Variants in SESTD1 observed in about 807,000 individuals in gnomAD.
The protein encoded by SESTD1 is SEC14 and spectrin domain containing 1.
SESTD1 carries 43 observed loss-of-function variants against 101.7 expected under a neutral mutation model. The observed-to-expected ratio is 0.42, with a 90% CI of 0.33 to 0.55. The LOEUF is 0.55. Among genes scored for constraint, SESTD1 ranks in the 20% least tolerant of loss-of-function variants. The pLI is 0.07. For missense variants in SESTD1, 647 were observed against 815.1 expected (o/e 0.79, Z 2.51); for synonymous variants, 283 against 286.8 (o/e 0.99, Z 0.13).
chr2:179,246,484 G>A (rs918792884), intron 1 of SESTD1, among the ~76,000 whole-genome samples: 64 of 151,994 alleles, frequency 4.2e-4, no homozygotes, highest in Non-Finnish European at 8.5e-4. Context: ...AGTATCTCTC[G>A]CTCTCTTTCT....
In SESTD1 at chr2:179,149,398, C is replaced by T. The variant is rs771525132; in HGVS notation, c.484-4G>A. ...CCTTTGTAAACTTCTCAAAAACCTA[C>T]AATATGAGTTTTATTAACATACTAA... On this transcript the variant is annotated splice_region_variant and splice_polypyrimidine_tract_variant and intron_variant, in intron 6 of 17. Transcript: ENST00000428443. 2 of 1,565,954 alleles carry T rather than the reference C, an allele frequency of 1.3e-6. No homozygotes were observed. The highest frequency in any genetic ancestry group is 1.7e-6 in the Non-Finnish European group (2 of 1,146,884).
chr2:179,259,837 C>G (rs1050812799), intron 1 of SESTD1, among the ~76,000 whole-genome samples: 2 of 152,178 alleles, frequency 1.3e-5, no homozygotes, highest in Non-Finnish European at 2.9e-5. Context: ...AAGAAATTAA[C>G]TTGTCCACAG....
intron 1 of SESTD1, among the ~76,000 whole-genome samples, chr2:179,224,409 A>G (rs1236416196): frequency 6.6e-6 from 1 of 152,208 alleles, no homozygotes; most frequent in Non-Finnish European, 1.5e-5. Flanking sequence ...GGCTAAGTCC[A>G]AGGATACAAT....
chr2:179,247,806 C>A (rs2047255971), intron 1 of SESTD1, among the ~76,000 whole-genome samples: 1 of 151,426 alleles, frequency 6.6e-6, no homozygotes, highest in Admixed American at 6.6e-5. Context: ...AAATGTACAG[C>A]AGATACAGGA....
chr2:179,243,017 C>A (rs999472111), intron 1 of SESTD1, among the ~76,000 whole-genome samples: 1 of 152,074 alleles, frequency 6.6e-6, no homozygotes, highest in Non-Finnish European at 1.5e-5. Context: ...AACAGACAAC[C>A]TACAAAATGG....
At chr2:179,239,092 T>A (rs1464889521) in intron 1 of SESTD1, among the ~76,000 whole-genome samples, 1 of 152,196 alleles carries the variant, frequency 6.6e-6, no homozygotes, top group Non-Finnish European at 1.5e-5. Flanking sequence ...CAACTATGTA[T>A]CTTAGTATCT....
At chr2:179,126,954 T>G (rs1052347572) in intron 10 of SESTD1, among the ~76,000 whole-genome samples, 1 of 152,234 alleles carries the variant, frequency 6.6e-6, no homozygotes, top group African/African-American at 2.4e-5. Context: ...CCTTCCATTT[T>G]CATTGCTAGT....
At chr2:179,262,859 G>C (rs2047502302) in intron 1 of SESTD1, among the ~76,000 whole-genome samples, 1 of 152,172 alleles carries the variant, frequency 6.6e-6, no homozygotes, top group Non-Finnish European at 1.5e-5. Flanking sequence ...TAAAACCCAA[G>C]TAGATGCAAC....
At chr2:179,151,882 T>A (rs2045538241) in intron 5 of SESTD1, among the ~76,000 whole-genome samples, 1 of 152,116 alleles carries the variant, frequency 6.6e-6, no homozygotes, top group African/African-American at 2.4e-5. Context: ...CACAATAACG[T>A]ATGCCAATAT....
At chr2:179,191,473 G>A (rs1240712013) in intron 2 of SESTD1, among the ~76,000 whole-genome samples, 1 of 151,916 alleles carries the variant, frequency 6.6e-6, no homozygotes. Flanking sequence ...CTACCTACTG[G>A]GTATTATGGT....
intron 1 of SESTD1, among the ~76,000 whole-genome samples, chr2:179,217,893 C>T (rs1186083416): frequency 6.6e-6 from 1 of 151,978 alleles, no homozygotes; most frequent in East Asian, 1.9e-4. Flanking sequence ...GAAAACCAAA[C>T]ACCACATGTT....
At position 179,156,114 on chromosome 2, in the gene SESTD1, A is replaced by ATATATATGTGTGTATATACGTATATATG. The variant is rs2045624855; in HGVS notation, c.370-4751_370-4724dup. 2.0e-5 allele frequency among the ~76,000 whole-genome samples: 3 copies of ATATATATGTGTGTATATACGTATATATG among 151,892 alleles called. No homozygotes were observed. In the South Asian group the frequency reaches 6.2e-4, roughly 32 times the overall value. On this transcript the variant is annotated intron_variant, in intron 5 of 17. Coordinates refer to ENST00000428443, the MANE Select transcript of SESTD1 (RefSeq NM_178123.5). ...GTAGTATTCCATCATACGTGTATAT[A>ATATATATGTGTGTATATACGTATATATG]TATATATGTGTGTATATACGTATAT... is the stretch of plus-strand genomic sequence containing the variant.
chr2:179,220,931 C>T lies in SESTD1; in HGVS notation c.-25-29065G>A, dbSNP rs143397856. Among the ~76,000 whole-genome samples the T allele has an allele frequency of 2.0e-3, 307 of 152,210 alleles. 1 individual carries two copies. Among genetic ancestry groups the T allele is most frequent in the African/African-American group, 3.9e-3 (160 of 41,532 alleles). ...CAGATATATAAGATTTAAATGCATT[C>T]GGAACAGAGGTTCAGATGTATTTCA... On this transcript the variant is annotated intron_variant, in intron 1 of 17. Coordinates refer to ENST00000428443, the MANE Select transcript of SESTD1 (RefSeq NM_178123.5).
chr2:179,117,276 A>G (rs1322209084), intron 14 of SESTD1, among the ~76,000 whole-genome samples: 5 of 152,206 alleles, frequency 3.3e-5, no homozygotes, highest in Non-Finnish European at 5.9e-5. Context: ...CTAATCAACA[A>G]TAATAAATAA....
At chr2:179,122,331 C>T (rs528306239) in intron 12 of SESTD1, among the ~76,000 whole-genome samples, 1 of 152,256 alleles carries the variant, frequency 6.6e-6, no homozygotes, top group East Asian at 1.9e-4. Flanking sequence ...TTTAAAAAAG[C>T]GCATAAGCCT....
At position 179,203,521 on chromosome 2, in the gene SESTD1, G is replaced by A. The variant is rs115824524; in HGVS notation, c.-25-11655C>T. On this transcript the variant is annotated intron_variant, in intron 1 of 17. Transcript: ENST00000428443. Reference sequence around the variant, plus strand: ...TAGCACACCCAGAGAGGCCATGGAAGGTCCCCATGCCTCCTCCCCCGATAC... The same window carrying A: ...TAGCACACCCAGAGAGGCCATGGAAAGTCCCCATGCCTCCTCCCCCGATAC... Among the ~76,000 whole-genome samples the A allele has an allele frequency of 5.0e-3, 675 of 133,856 alleles. 159 individuals carry two copies. The highest frequency in any genetic ancestry group is 0.019 in the African/African-American group (643 of 33,728). The allele number at this position is 133,856 out of a possible 152,430, so 87.8% of individuals were successfully genotyped here.
intron 1 of SESTD1, among the ~76,000 whole-genome samples, chr2:179,232,376 T>C (rs2047000357): frequency 6.6e-6 from 1 of 151,618 alleles, no homozygotes; most frequent in Non-Finnish European, 1.5e-5. Context: ...CTAGAAATAA[T>C]AAAGACAAAA....
intron 1 of SESTD1, among the ~76,000 whole-genome samples, chr2:179,204,677 T>A (rs1420935659): frequency 7.4e-6 from 1 of 135,590 alleles, no homozygotes; most frequent in Non-Finnish European, 1.6e-5. Flanking sequence ...TTGACATGCA[T>A]ACAGACATGC....
intron 11 of SESTD1, 58 bp from the exon 12 acceptor site, chr2:179,123,887 A>C: frequency 8.0e-7 from 1 of 1,255,878 alleles, no homozygotes. Flanking sequence ...TAAAGTGTTT[A>C]ATGATTAATG....
Sources: allele counts gnomAD v4.1 joint callset (sites outside exome capture counted in the v4.1 genomes callset), GRCh38; gene constraint gnomAD v4.1.1; transcripts MANE v1.5; gene names NCBI Gene and HGNC (gene_info 2026-07-23, HGNC 2026-07-21).